Variants in TENM2 observed in about 807,000 individuals in gnomAD.
The protein encoded by TENM2 is teneurin-2.
Under a neutral mutation model 245.2 loss-of-function variants are expected in TENM2, and 52 were observed. The observed-to-expected ratio is 0.21, with a 90% CI of 0.17 to 0.27. The LOEUF (loss-of-function observed/expected upper bound fraction) is 0.27. TENM2 is among the 10% of genes least tolerant of loss of function. The probability of loss-of-function intolerance (pLI) is 1.00; values close to 1 mark genes in which losing one functional copy is unlikely to be tolerated. For missense variants in TENM2, 3,046 were observed against 3,666.8 expected, an observed-to-expected ratio of 0.83 and a Z score of 4.37; for synonymous variants, 1,363 against 1,438.9, an observed-to-expected ratio of 0.95 and a Z score of 1.19.
At chr5:167,740,201 A>G (rs1761084268) in intron 2 of TENM2, among the ~76,000 whole-genome samples, 1 of 152,166 alleles carries the variant, frequency 6.6e-6, no homozygotes, top group East Asian at 1.9e-4. Flanking sequence ...ATGACTTTCC[A>G]AATCTATATG....
chr5:168,249,835 C>T (rs370418352), intron 27 of TENM2, among the ~76,000 whole-genome samples: 27 of 151,556 alleles, frequency 1.8e-4, no homozygotes, highest in African/African-American at 4.9e-4. Flanking sequence ...CTCCAGCCTG[C>T]GCACAGAGTG....
the TENM2 span, among the ~76,000 whole-genome samples, chr5:167,253,840 T>A: frequency 6.6e-6 from 1 of 152,010 alleles, no homozygotes; most frequent in Non-Finnish European, 1.5e-5. Flanking sequence ...CCTAAATTTG[T>A]TTAAAGCTCT....
At chr5:167,400,126 T>A (rs1002640892) in intron 2 of TENM2, among the ~76,000 whole-genome samples, 1 of 152,122 alleles carries the variant, frequency 6.6e-6, no homozygotes. Flanking sequence ...AGGAGTGGAT[T>A]GATTAAATTT....
intron 13 of TENM2, among the ~76,000 whole-genome samples, chr5:168,181,417 C>CT (rs35063786): frequency 6.6e-6 from 1 of 152,268 alleles, no homozygotes; most frequent in South Asian, 2.1e-4. Context: ...GCAGCCCGTG[C>CT]TTTTTTTCCC....
exon 25 of TENM2, chr5:168,228,047 G>C: frequency 1.2e-6 from 2 of 1,613,938 alleles, no homozygotes; most frequent in South Asian, 2.2e-5. Context: ...CCTGCCTATG[G>C]AGAATGGCTT....
downstream of TENM2, chr5:168,263,972 AAAAT>A (rs1338220142): frequency 6.6e-6 from 1 of 152,590 alleles, no homozygotes; most frequent in Non-Finnish European, 1.5e-5. Context: ...TAAAAAAACA[AAAAT>A]AAAGTCTAAT....
intron 2 of TENM2, among the ~76,000 whole-genome samples, chr5:167,535,671 A>G (rs1488033652): frequency 6.6e-6 from 1 of 152,304 alleles, no homozygotes; most frequent in Non-Finnish European, 1.5e-5. Flanking sequence ...CACAATGTTC[A>G]TCTCCTCTGG....
At chr5:166,991,681 G>T in the TENM2 span, among the ~76,000 whole-genome samples, 2 of 152,082 alleles carry the variant, frequency 1.3e-5, no homozygotes, top group Non-Finnish European at 2.9e-5. Flanking sequence ...ATATAGCCCA[G>T]TGACAAAGCC....
rs193258499 is a variant in TENM2 at position 167,459,241 on chromosome 5, G to A, written c.502+83768G>A. 4.8e-4 allele frequency among the ~76,000 whole-genome samples: 73 copies of A among 152,264 alleles called. 1 individual carries two copies. The highest frequency in any genetic ancestry group is 6.5e-5 in the Admixed American group (1 of 15,288). ...GTACCTTATGTAAAGGGAATCCTAC[G>A]ATATCTGTTGTTTTGGGTCTGGTTT... On this transcript the variant is annotated intron_variant, in intron 2 of 28. Transcript: ENST00000518659.
chr5:168,139,595 T>A (rs1432822), intron 12 of TENM2: 365,690 of 455,996 alleles, frequency 0.8, 147,733 homozygotes, highest in East Asian at 1. Context: ...CTCCATTTGG[T>A]TAATGAGGGC....
At chr5:167,993,233 G>T in intron 5 of TENM2, 51 bp downstream of exon 7, 1 of 1,462,170 alleles carries the variant, frequency 6.8e-7, no homozygotes, top group Non-Finnish European at 9.5e-7. Context: ...AACATGAGGG[G>T]AGAGGCCATG....
chr5:166,992,951 G>A, the TENM2 span, among the ~76,000 whole-genome samples: 3 of 152,038 alleles, frequency 2.0e-5, no homozygotes, highest in African/African-American at 4.8e-5. Flanking sequence ...ATGACAAAAC[G>A]TGCTCAGTTG....
the TENM2 span, among the ~76,000 whole-genome samples, chr5:167,221,422 A>G: frequency 5.9e-5 from 9 of 152,206 alleles, no homozygotes; most frequent in African/African-American, 7.2e-5. Context: ...TAGAGCCAAT[A>G]CAATACTCAT....
intron 2 of TENM2, among the ~76,000 whole-genome samples, chr5:167,858,394 T>C (rs1220334345): frequency 6.6e-6 from 1 of 152,270 alleles, no homozygotes; most frequent in East Asian, 1.9e-4. Flanking sequence ...GTTGCCCACA[T>C]GAACATGTTT....
chr5:167,516,079 G>GT (rs1770363853), intron 2 of TENM2, among the ~76,000 whole-genome samples: 1 of 151,994 alleles, frequency 6.6e-6, no homozygotes, highest in Non-Finnish European at 1.5e-5. Context: ...CAAAATGCTA[G>GT]TTTTTGTATC....
chr5:167,953,682 C>G (rs146477878), intron 4 of TENM2, among the ~76,000 whole-genome samples: 1 of 152,108 alleles, frequency 6.6e-6, no homozygotes, highest in African/African-American at 2.4e-5. Context: ...ACCATGGAGA[C>G]GGAACAGAGA....
At chr5:167,580,665 C>G (rs1380121931) in intron 2 of TENM2, among the ~76,000 whole-genome samples, 1 of 152,232 alleles carries the variant, frequency 6.6e-6, no homozygotes, top group South Asian at 2.1e-4. Flanking sequence ...GAACAGGGAG[C>G]AGATTTCTGT....
intron 3 of TENM2, among the ~76,000 whole-genome samples, chr5:167,906,113 C>T (rs184268347): frequency 8.7e-4 from 132 of 152,106 alleles, no homozygotes; most frequent in South Asian, 1.2e-3. Flanking sequence ...TTATAATGTG[C>T]GCCAGCCCCA....
At chr5:167,083,623 G>C in the TENM2 span, among the ~76,000 whole-genome samples, 1 of 152,074 alleles carries the variant, frequency 6.6e-6, no homozygotes, top group Admixed American at 6.6e-5. Context: ...GTGAAATGCC[G>C]GTAGCACAAA....
Sources: allele counts gnomAD v4.1 joint callset (sites outside exome capture counted in the v4.1 genomes callset), GRCh38; gene constraint gnomAD v4.1.1; transcripts MANE v1.5; gene names NCBI Gene and HGNC (gene_info 2026-07-23, HGNC 2026-07-21).